Variants in CACNA1D observed in about 807,000 individuals in gnomAD.
CACNA1D encodes the protein voltage-dependent L-type calcium channel subunit alpha-1D.
Under a neutral mutation model 257.1 loss-of-function variants are expected in CACNA1D, and 55 were observed. That is an observed-to-expected ratio of 0.21 (90% CI 0.17 to 0.27). The LOEUF (loss-of-function observed/expected upper bound fraction) is 0.27, where lower values mean the gene tolerates loss of function less well. Ranked by LOEUF, CACNA1D falls within the 10% of genes least tolerant of loss-of-function variation. CACNA1D has a pLI of 1.00. For missense variants in CACNA1D, 1,876 were observed against 2,784.0 expected (o/e 0.67, Z 7.34); for synonymous variants, 980 against 1,014.9 (o/e 0.97, Z 0.65).
chr3:53,702,975 G>T (rs571145602), intron 9 of CACNA1D, among the ~76,000 whole-genome samples, 165 bp downstream of exon 9: 4 of 152,218 alleles, frequency 2.6e-5, no homozygotes, highest in African/African-American at 9.6e-5. Context: ...CAGGTGCATT[G>T]GTGCTGACTC....
chr3:53,582,009 C>T (rs949470025), intron 3 of CACNA1D, among the ~76,000 whole-genome samples: 4 of 152,160 alleles, frequency 2.6e-5, no homozygotes, highest in African/African-American at 9.7e-5. Flanking sequence ...GGGTCCTTCT[C>T]CTGGTTATCA....
At chr3:53,520,959 T>G (rs2091551641) in intron 3 of CACNA1D, among the ~76,000 whole-genome samples, 1 of 151,160 alleles carries the variant, frequency 6.6e-6, no homozygotes, top group Non-Finnish European at 1.5e-5. Flanking sequence ...CCTCCTGTCC[T>G]TTCCTCTCTC....
intron 26 of CACNA1D, chr3:53,748,963 T>C (rs1360001756): frequency 2.1e-6 from 1 of 485,886 alleles, no homozygotes; most frequent in Non-Finnish European, 3.8e-6. Context: ...TCCAGTGTCT[T>C]ACACGTGATA....
chr3:53,786,043 G>A (rs3774595), intron 39 of CACNA1D: 41,189 of 152,272 alleles, frequency 0.27, 5,781 homozygotes, highest in Middle Eastern at 0.35. Context: ...ACATTTACAC[G>A]TCCAAAGTGG....
Position 53,745,709 on chromosome 3 carries a change from G to A in CACNA1D, c.3092G>A (p.Cys1031Tyr). ...VTTLLQFMFA[C>Y]IGVQLFKGKF... ...ACCCTCCTGCAGTTCATGTTTGCCT[G>A]TATCGGGGTCCAGTTGTTCAAGGTA... is the stretch of plus-strand genomic sequence containing the variant. The change falls in exon 24 of 48, where the codon TGT becomes TAT. Residue 1031 changes from cysteine to tyrosine, a missense_variant. By Grantham distance (194) the Cys-to-Tyr change is radical. Around this residue, in one of 10 missense-constraint regions of CACNA1D, gnomAD observed 271 missense variants for 425.5 expected, o/e 0.64. Coordinates refer to ENST00000350061, the MANE Select transcript of CACNA1D (RefSeq NM_001128840.3). The A allele has an allele frequency of 1.2e-6, 2 of 1,613,850 alleles. No individual in the cohort carries two copies. The highest frequency in any genetic ancestry group is 1.7e-6 in the Non-Finnish European group (2 of 1,179,690).
intron 20 of CACNA1D, among the ~76,000 whole-genome samples, chr3:53,737,560 T>C (rs1208288264): frequency 6.6e-6 from 1 of 152,118 alleles, no homozygotes; most frequent in Non-Finnish European, 1.5e-5. Flanking sequence ...CAGTGGCTCA[T>C]GCCTGTAATC....
chr3:53,595,665 T>C (rs2107834683), intron 3 of CACNA1D, among the ~76,000 whole-genome samples: 1 of 152,246 alleles, frequency 6.6e-6, no homozygotes, highest in Non-Finnish European at 1.5e-5. Context: ...ATGACCCTGG[T>C]TTCTACTGAC....
In CACNA1D at chr3:53,810,258, A is replaced by C. The variant is rs1341586484; in HGVS notation, c.6152A>C (p.Asn2051Thr). The C allele has an allele frequency of 5.0e-6, 8 of 1,613,860 alleles. No homozygotes were observed. Among genetic ancestry groups the C allele is most frequent in the Non-Finnish European group, 6.8e-6 (8 of 1,180,030 alleles). Residue 2051 changes from asparagine (N) to threonine (T), a missense_variant, in exon 47 of 48, where the codon AAC becomes ACC. Asn to Thr is a moderately conservative substitution (Grantham distance 65, BLOSUM62 0). This residue lies in a region of CACNA1D where 491 missense variants were observed against 554.3 expected (regional missense o/e 0.89). Coordinates refer to ENST00000350061, the MANE Select transcript of CACNA1D (RefSeq NM_001128840.3). ...GTCCCCAGCAGCTTCCGGAACAAAAACAGCGACAAGCAGAGGAGTGCGGAC... is the reference window on the plus strand; with the variant it reads ...GTCCCCAGCAGCTTCCGGAACAAAACCAGCGACAAGCAGAGGAGTGCGGAC... ...LTVPSSFRNK[N>T]SDKQRSADSL...
intron 9 of CACNA1D, chr3:53,710,385 C>A (rs998668247): frequency 6.6e-6 from 3 of 456,236 alleles, no homozygotes; most frequent in African/African-American, 2.0e-5. Context: ...TGCCTGTGTT[C>A]AACCTGAAGG....
intron 9 of CACNA1D, among the ~76,000 whole-genome samples, chr3:53,705,009 T>C (rs2094671540): frequency 6.6e-6 from 1 of 152,236 alleles, no homozygotes; most frequent in African/African-American, 2.4e-5. Context: ...CCATTTTATC[T>C]CAGCCCAGCA....
intron 3 of CACNA1D, among the ~76,000 whole-genome samples, chr3:53,504,462 T>G (rs1393511148): frequency 6.6e-6 from 1 of 152,196 alleles, no homozygotes; most frequent in East Asian, 1.9e-4. Context: ...GGAGACTACC[T>G]TGGGGGGCAG....
intron 3 of CACNA1D, among the ~76,000 whole-genome samples, chr3:53,602,473 G>C (rs1043925428): frequency 2.0e-5 from 3 of 152,210 alleles, no homozygotes; most frequent in Admixed American, 2.0e-4. Flanking sequence ...TGTATACTCA[G>C]TTGTGGAATT....
At chr3:53,806,604 T>G (rs150273591) in intron 45 of CACNA1D, among the ~76,000 whole-genome samples, 291 of 152,344 alleles carry the variant, frequency 1.9e-3, no homozygotes, top group African/African-American at 6.6e-3. Context: ...AGCATATTTT[T>G]GAACAGGACT....
intron 3 of CACNA1D, among the ~76,000 whole-genome samples, chr3:53,615,470 C>G (rs2093627211): frequency 6.6e-6 from 1 of 152,152 alleles, no homozygotes; most frequent in African/African-American, 2.4e-5. Context: ...CATAATGGGA[C>G]CAAAGTGTCC....
intron 40 of CACNA1D, among the ~76,000 whole-genome samples, chr3:53,797,201 C>T (rs1048804039): frequency 6.6e-5 from 10 of 152,234 alleles, no homozygotes; most frequent in African/African-American, 2.2e-4. Context: ...TACCTTTTAG[C>T]TTGATATGTG....
rs948083314 is a variant in CACNA1D, at chr3:53,808,718, C to G, written c.5819C>G (p.Ser1940Cys). 9.9e-6 allele frequency: 16 copies of G among 1,609,158 alleles called. No homozygotes were observed. In the Admixed American group the frequency reaches 2.2e-4, roughly 22 times the overall value. ...RQSSQEEVPS[S>C]PIFPHRTALP... ...AGCAGCCAGGAAGAGGTCCCGTCGT[C>G]TCCCATCTTCCCCCATCGCACGGCC... The change falls in exon 46 of 48, where the codon TCT (serine) becomes TGT (cysteine). Residue 1940 changes from serine to cysteine, a missense_variant. By Grantham distance (112) the Ser-to-Cys change is moderately radical. Coordinates refer to ENST00000350061, the MANE Select transcript of CACNA1D (RefSeq NM_001128840.3).
At chr3:53,798,256 C>T (rs2095516723) in intron 40 of CACNA1D, among the ~76,000 whole-genome samples, 1 of 152,136 alleles carries the variant, frequency 6.6e-6, no homozygotes, top group East Asian at 1.9e-4. Context: ...TTCCCAGGCT[C>T]AGATGTGCTG....
At chr3:53,764,113 A>G (rs532705299) in intron 30 of CACNA1D, among the ~76,000 whole-genome samples, 23 of 152,306 alleles carry the variant, frequency 1.5e-4, no homozygotes, top group African/African-American at 5.5e-4. Flanking sequence ...AGGTATACAC[A>G]TATTCCAACT....
At chr3:53,589,563 G>A (rs1003331278) in intron 3 of CACNA1D, among the ~76,000 whole-genome samples, 11 of 152,174 alleles carry the variant, frequency 7.2e-5, no homozygotes, top group African/African-American at 2.7e-4. Context: ...CCACCCAGAT[G>A]TCCCCTGGTT....
Sources: gnomAD v4.1 joint callset for allele counts (sites outside exome capture counted in the v4.1 genomes callset) on GRCh38, gnomAD v4.1.1 for gene constraint, gnomAD v4.1.1 regional missense constraint, MANE v1.5 for transcripts, NCBI Gene and HGNC (gene_info 2026-07-23, HGNC 2026-07-21) for gene names.